Variants in MDGA2 observed in about 807,000 individuals in gnomAD.
MDGA2 encodes MAM domain containing glycosylphosphatidylinositol anchor 2.
Under a neutral mutation model 117.8 loss-of-function variants are expected in MDGA2, and 40 were observed. The observed-to-expected ratio is 0.34, with a 90% confidence interval of 0.26 to 0.44. MDGA2 has a LOEUF of 0.44. Ranked by LOEUF, MDGA2 falls within the 20% of genes least tolerant of loss-of-function variation. MDGA2 has a pLI of 1.00. For missense variants in MDGA2, 1,123 were observed against 1,250.6 expected (o/e 0.90, Z 1.54); for synonymous variants, 452 against 439.0 (o/e 1.03, Z -0.37).
At chr14:47,667,065 G>A (rs990519873) in intron 1 of MDGA2, among the ~76,000 whole-genome samples, 17 of 152,090 alleles carry the variant, frequency 1.1e-4, no homozygotes, top group African/African-American at 1.2e-4. Flanking sequence ...AAGGGTCCGC[G>A]GCTTCATTCT....
At chr14:47,044,145 AAAGT>A (rs1889174385) in intron 7 of MDGA2, among the ~76,000 whole-genome samples, 2 of 152,072 alleles carry the variant, frequency 1.3e-5, no homozygotes, top group Non-Finnish European at 2.9e-5. Context: ...CTAAGCAACC[AAAGT>A]AAGAAAACCA....
At chr14:47,528,767 T>C (rs1895027324) in intron 1 of MDGA2, among the ~76,000 whole-genome samples, 1 of 152,178 alleles carries the variant, frequency 6.6e-6, no homozygotes, top group Admixed American at 6.5e-5. Flanking sequence ...CTTCTAACTT[T>C]ACATAGCCTT....
chr14:47,527,413 A>C (rs1382340711), intron 1 of MDGA2, among the ~76,000 whole-genome samples: 1 of 152,202 alleles, frequency 6.6e-6, no homozygotes, highest in Non-Finnish European at 1.5e-5. Context: ...AGGAGTAGAA[A>C]AAGGAAGGGC....
chr14:47,265,855 T>C (rs1454345908), intron 2 of MDGA2, among the ~76,000 whole-genome samples: 1 of 152,088 alleles, frequency 6.6e-6, no homozygotes, highest in East Asian at 1.9e-4. Flanking sequence ...AATTTTCCAA[T>C]CAAGCTCTCT....
At chr14:47,066,291 T>C (rs1890077672) in intron 6 of MDGA2, among the ~76,000 whole-genome samples, 1 of 152,234 alleles carries the variant, frequency 6.6e-6, no homozygotes, top group Non-Finnish European at 1.5e-5. Flanking sequence ...AATTTAATTA[T>C]AATTGACATT....
intron 9 of MDGA2, among the ~76,000 whole-genome samples, chr14:46,936,721 C>T (rs144399406): frequency 6.6e-5 from 10 of 151,378 alleles, no homozygotes; most frequent in African/African-American, 1.9e-4. Flanking sequence ...TAAAATTGAA[C>T]ATTCCTTCAT....
chr14:47,090,563 T>G (rs1430724921), intron 6 of MDGA2, among the ~76,000 whole-genome samples: 8 of 152,300 alleles, frequency 5.3e-5, no homozygotes, highest in African/African-American at 1.9e-4. Context: ...TGAGGTATAC[T>G]GCATACTACA....
At chr14:47,460,233 T>C (rs573185789) in intron 1 of MDGA2, among the ~76,000 whole-genome samples, 72 of 152,128 alleles carry the variant, frequency 4.7e-4, no homozygotes, top group African/African-American at 1.7e-3. Flanking sequence ...CATTACAAAC[T>C]TTGATTCTTT....
intron 1 of MDGA2, among the ~76,000 whole-genome samples, chr14:47,429,154 G>A (rs1892749321): frequency 6.6e-6 from 1 of 151,802 alleles, no homozygotes; most frequent in Non-Finnish European, 1.5e-5. Context: ...GAACCTAGGG[G>A]GCAGAGGTTG....
At chr14:47,180,464 A>G (rs1181309860) in intron 3 of MDGA2, among the ~76,000 whole-genome samples, 1 of 152,184 alleles carries the variant, frequency 6.6e-6, no homozygotes, top group Non-Finnish European at 1.5e-5. Flanking sequence ...ACAAAGGTGT[A>G]CTATCTAGCA....
intron 1 of MDGA2, among the ~76,000 whole-genome samples, chr14:47,390,827 C>G (rs1891877576): frequency 6.6e-6 from 1 of 152,062 alleles, no homozygotes; most frequent in South Asian, 2.1e-4. Flanking sequence ...TCCGGGACAC[C>G]AGTTTCTCCT....
At chr14:47,614,095 C>CTTTTTTTTTTTTTTTT (rs768294746) in intron 1 of MDGA2, among the ~76,000 whole-genome samples, 1 of 101,678 alleles carries the variant, frequency 9.8e-6, no homozygotes, top group African/African-American at 3.8e-5. Context: ...TTTCTTTTTT[C>CTTTTTTTTTTTTTTTT]TTTTTTTTTT....
At chr14:47,667,373 C>G (rs978055083) in intron 1 of MDGA2, among the ~76,000 whole-genome samples, 2 of 152,182 alleles carry the variant, frequency 1.3e-5, no homozygotes, top group Non-Finnish European at 2.9e-5. Flanking sequence ...TGTACCCAAC[C>G]TTTCCTTGTG....
chr14:47,631,841 C>T (rs945803501), intron 1 of MDGA2, among the ~76,000 whole-genome samples: 14 of 152,082 alleles, frequency 9.2e-5, no homozygotes, highest in African/African-American at 3.4e-4. Flanking sequence ...CAACCCACAC[C>T]CTGCAGGCCG....
At chr14:47,540,257 C>T (rs984024498) in intron 1 of MDGA2, among the ~76,000 whole-genome samples, 9 of 152,036 alleles carry the variant, frequency 5.9e-5, no homozygotes, top group African/African-American at 2.2e-4. Context: ...TCGTGATCCG[C>T]CCGCCTCGGC....
chr14:47,378,395 C>A, intron 1 of MDGA2, among the ~76,000 whole-genome samples: 1 of 152,118 alleles, frequency 6.6e-6, no homozygotes, highest in East Asian at 1.9e-4. Context: ...AGGCTTCAGA[C>A]GATCGGTAAT....
intron 16 of MDGA2, 21 bp from the exon 17 acceptor site, chr14:46,842,040 T>A: frequency 6.4e-7 from 1 of 1,560,872 alleles, no homozygotes. Context: ...GGAAAATAAA[T>A]GCAAACAAAA....
At chr14:47,482,937 C>T (rs541546801) in intron 1 of MDGA2, among the ~76,000 whole-genome samples, 2 of 150,830 alleles carry the variant, frequency 1.3e-5, no homozygotes, top group South Asian at 2.1e-4. Context: ...AGGAAAGAGA[C>T]GTTTTGAATT....
chr14:46,881,009 AACACACACACACAC>A (rs72117373), intron 11 of MDGA2, among the ~76,000 whole-genome samples: 2 of 145,588 alleles, frequency 1.4e-5, no homozygotes, highest in Admixed American at 6.9e-5. Flanking sequence ...AACTATCACT[AACACACACACACAC>A]ACACACACAC....
Sources: allele counts gnomAD v4.1 joint callset (sites outside exome capture counted in the v4.1 genomes callset), GRCh38; gene constraint gnomAD v4.1.1; transcripts MANE v1.5; gene names NCBI Gene and HGNC (gene_info 2026-07-23, HGNC 2026-07-21).